AGBL4: variants seen among roughly 807,000 people sequenced by gnomAD.
The protein encoded by AGBL4 is AGBL carboxypeptidase 4, also known as cytosolic carboxypeptidase 6.
AGBL4 carries 58 observed loss-of-function variants against 66.4 expected under a neutral mutation model. The ratio of observed to expected loss-of-function variants is 0.87; its 90% confidence interval spans 0.71 to 1.09. AGBL4 has a LOEUF of 1.09. Ranked by LOEUF, AGBL4 falls within the 50% of genes least tolerant of loss-of-function variation. The pLI is 0.00. For synonymous variants in AGBL4, 234 were observed against 222.9 expected, an observed-to-expected ratio of 1.05 and a Z score of -0.44; for missense variants, 579 against 631.0, an observed-to-expected ratio of 0.92 and a Z score of 0.88.
intron 6 of AGBL4, among the ~76,000 whole-genome samples, chr1:48,836,762 G>A (rs1430730624): frequency 6.6e-6 from 1 of 151,998 alleles, no homozygotes; most frequent in Non-Finnish European, 1.5e-5. Context: ...AGATATGCCA[G>A]TTCATAGAAA....
chr1:49,003,460 A>T (rs1335968203), intron 5 of AGBL4, among the ~76,000 whole-genome samples: 5 of 152,210 alleles, frequency 3.3e-5, no homozygotes, highest in Non-Finnish European at 5.9e-5. Context: ...AAGTTCAAAG[A>T]TTTAATATGG....
At chr1:49,563,587 T>C (rs894448410) in intron 3 of AGBL4, among the ~76,000 whole-genome samples, 1 of 152,234 alleles carries the variant, frequency 6.6e-6, no homozygotes, top group Admixed American at 6.5e-5. Context: ...TTGTCTTTGG[T>C]TCTGTTTATA....
chr1:49,724,003 CA>C (rs1558193374), intron 2 of AGBL4, among the ~76,000 whole-genome samples: 1 of 152,096 alleles, frequency 6.6e-6, no homozygotes, highest in Non-Finnish European at 1.5e-5. Flanking sequence ...TAGTTTATGT[CA>C]GTCAGTAGAG....
intron 3 of AGBL4, among the ~76,000 whole-genome samples, chr1:49,382,871 G>A (rs1197397560): frequency 5.3e-5 from 8 of 152,154 alleles, no homozygotes; most frequent in Non-Finnish European, 1.2e-4. Flanking sequence ...GCAGCATGGT[G>A]TTACATGCTT....
At chr1:49,927,663 C>T (rs1571887230) in intron 1 of AGBL4, among the ~76,000 whole-genome samples, 2 of 149,362 alleles carry the variant, frequency 1.3e-5, no homozygotes, top group Admixed American at 6.7e-5. Context: ...TATGAAAGTA[C>T]ACAGTCAGAG....
At chr1:49,771,110 C>T (rs991345842) in intron 2 of AGBL4, among the ~76,000 whole-genome samples, 1 of 151,976 alleles carries the variant, frequency 6.6e-6, no homozygotes, top group African/African-American at 2.4e-5. Flanking sequence ...ATTAGACATC[C>T]TTCCCTTTCT....
chr1:49,742,213 C>A (rs1351245347), intron 2 of AGBL4, among the ~76,000 whole-genome samples: 8 of 150,292 alleles, frequency 5.3e-5, no homozygotes, highest in Admixed American at 5.3e-4. Flanking sequence ...TCTCAGGATA[C>A]AAAATCAATG....
chr1:50,019,302 TCTCTCACA>T (rs1474558514), intron 1 of AGBL4, among the ~76,000 whole-genome samples: 5 of 70,826 alleles, frequency 7.1e-5, no homozygotes, highest in East Asian at 1.3e-3. Flanking sequence ...TCTCTCTCTC[TCTCTCACA>T]CACACACACA....
chr1:49,396,484 A>G (rs1485283540), intron 3 of AGBL4, among the ~76,000 whole-genome samples: 1 of 152,168 alleles, frequency 6.6e-6, no homozygotes, highest in East Asian at 1.9e-4. Context: ...GCTAAAAAAG[A>G]TTCTTCTAAA....
At chr1:49,442,478 T>G (rs1646056225) in intron 3 of AGBL4, among the ~76,000 whole-genome samples, 3 of 152,198 alleles carry the variant, frequency 2.0e-5, no homozygotes. Flanking sequence ...AATTTTCTTT[T>G]AGCTTCCACA....
chr1:49,020,110 T>C (rs1216865018), intron 5 of AGBL4, among the ~76,000 whole-genome samples: 1 of 152,186 alleles, frequency 6.6e-6, no homozygotes, highest in Non-Finnish European at 1.5e-5. Flanking sequence ...AATTTGGTAA[T>C]GAATTAGTGG....
intron 3 of AGBL4, among the ~76,000 whole-genome samples, chr1:49,539,519 A>G (rs1194420402): frequency 6.6e-6 from 1 of 152,140 alleles, no homozygotes; most frequent in Non-Finnish European, 1.5e-5. Context: ...TGTATCCTCC[A>G]GTTTAGCAAT....
At chr1:49,674,029 A>G (rs1023561344) in intron 3 of AGBL4, among the ~76,000 whole-genome samples, 1 of 152,114 alleles carries the variant, frequency 6.6e-6, no homozygotes, top group African/African-American at 2.4e-5. Context: ...AAAAGGTACA[A>G]TCCCATGCAG....
At chr1:49,481,600 A>T (rs1646956710) in intron 3 of AGBL4, among the ~76,000 whole-genome samples, 2 of 151,938 alleles carry the variant, frequency 1.3e-5, no homozygotes, top group Admixed American at 1.3e-4. Flanking sequence ...TTCTTTTCCT[A>T]TTTGAATACC....
chr1:48,849,143 T>G (rs1646979270), intron 6 of AGBL4, among the ~76,000 whole-genome samples: 2 of 152,220 alleles, frequency 1.3e-5, no homozygotes, highest in Admixed American at 1.3e-4. Context: ...GCTGGTGGAA[T>G]GGGTCATCCT....
At chr1:49,914,436 G>T (rs985051505) in intron 1 of AGBL4, among the ~76,000 whole-genome samples, 4 of 152,184 alleles carry the variant, frequency 2.6e-5, no homozygotes, top group Non-Finnish European at 5.9e-5. Flanking sequence ...ACTTCTGTCT[G>T]AACTTCATCA....
At chr1:49,828,784 CA>C (rs1645577199) in intron 2 of AGBL4, among the ~76,000 whole-genome samples, 1 of 152,114 alleles carries the variant, frequency 6.6e-6, no homozygotes. Flanking sequence ...TGAAAGGAAG[CA>C]AGAGGCCAGC....
rs557795115 is a variant in AGBL4, at chr1:48,863,801, T to C, written c.634+3390A>G. 4.6e-5 allele frequency among the ~76,000 whole-genome samples: 7 copies of C among 152,060 alleles called. No homozygotes were observed. The South Asian group carries it at 6.2e-4, about 14-fold the overall frequency. ...TTCATATACAAAGATCAGTCCTAAA[T>C]GAGACAAGTAAAGACCCAAGTGTGA... is the stretch of plus-strand genomic sequence containing the variant. On this transcript the variant is annotated intron_variant, in intron 6 of 13. Coordinates refer to ENST00000371839, the MANE Select transcript of AGBL4 (RefSeq NM_032785.4).
chr1:49,509,384 T>C (rs1243466578), intron 3 of AGBL4, among the ~76,000 whole-genome samples: 2 of 151,898 alleles, frequency 1.3e-5, no homozygotes, highest in Non-Finnish European at 1.5e-5. Context: ...CCTGTGGAGG[T>C]GTTTTATTTT....
Sources: gnomAD v4.1 joint callset for allele counts (sites outside exome capture counted in the v4.1 genomes callset) on GRCh38, gnomAD v4.1.1 for gene constraint, MANE v1.5 for transcripts, NCBI Gene and HGNC (gene_info 2026-07-23, HGNC 2026-07-21) for gene names.